DTNA: variants seen among roughly 807,000 people sequenced by gnomAD.
DTNA encodes the protein dystrobrevin alpha.
In DTNA, 43 loss-of-function variants were observed where a neutral mutation model predicts 100.7. The ratio of observed to expected loss-of-function variants is 0.43; its 90% confidence interval spans 0.33 to 0.55. The LOEUF is 0.55. Among genes scored for constraint, DTNA ranks in the 20% least tolerant of loss-of-function variants. The pLI, the probability that DTNA is intolerant of heterozygous loss-of-function variation, is 0.04. For synonymous variants in DTNA, 349 were observed against 347.9 expected (o/e 1.00, Z -0.04); for missense variants, 798 against 953.9 (o/e 0.84, Z 2.15).
intron 1 of DTNA, among the ~76,000 whole-genome samples, chr18:34,745,946 C>T (rs895100754): frequency 2.6e-5 from 4 of 152,158 alleles, no homozygotes; most frequent in Non-Finnish European, 4.4e-5. Flanking sequence ...ACCACTTAGC[C>T]AGCTAAATAC....
At chr18:34,886,001 C>T (rs1022678122) in intron 22 of DTNA, among the ~76,000 whole-genome samples, 5 of 152,194 alleles carry the variant, frequency 3.3e-5, no homozygotes, top group Admixed American at 2.6e-4. Context: ...TAGTTCAAAG[C>T]TAATATACCT....
At chr18:34,738,086 A>G (rs1279646828) in intron 1 of DTNA, among the ~76,000 whole-genome samples, 1 of 152,180 alleles carries the variant, frequency 6.6e-6, no homozygotes, top group Non-Finnish European at 1.5e-5. Flanking sequence ...AGAGAAAAAG[A>G]GAATATTCCA....
rs2094869533 is a variant in DTNA, at chr18:34,794,149, T to C, written c.261T>C (p.Thr87=). 1.1e-5 allele frequency: 18 copies of C among 1,614,052 alleles called. No homozygotes were observed. The highest frequency in any genetic ancestry group is 1.5e-5 in the Non-Finnish European group (18 of 1,180,020). ...CCCGCTTAGAGGCTGTGCTCTCCAC[T>C]ATTTTTTACCAGCTCAACAAACGGA... ...NVSRLEAVLS[T]IFYQLNKRMP... is the part of the protein sequence containing the mutation. Residue 87 remains threonine (T), a synonymous_variant, in exon 4 of 23, where the codon ACT becomes ACC. Coordinates refer to ENST00000444659, the MANE Select transcript of DTNA (RefSeq NM_001386795.1).
intron 1 of DTNA, among the ~76,000 whole-genome samples, chr18:34,544,015 A>C (rs1390816985): frequency 6.6e-6 from 1 of 152,102 alleles, no homozygotes; most frequent in Non-Finnish European, 1.5e-5. Context: ...AAAGCAATAG[A>C]TTCTCTTACA....
chr18:34,528,176 T>G (rs2042813267), intron 1 of DTNA, among the ~76,000 whole-genome samples: 1 of 152,140 alleles, frequency 6.6e-6, no homozygotes, highest in Admixed American at 6.6e-5. Context: ...TGTACAACTA[T>G]TATGCATTGT....
intron 1 of DTNA, among the ~76,000 whole-genome samples, chr18:34,608,971 GTAAC>G (rs1463806043): frequency 1.3e-5 from 2 of 152,184 alleles, no homozygotes; most frequent in Non-Finnish European, 2.9e-5. Context: ...TCATTACTGA[GTAAC>G]TATTTAATTT....
chr18:34,890,705 AGAGG>A lies in DTNA; in HGVS notation c.*2975_*2978del. On this transcript the variant is annotated 3_prime_UTR_variant, in exon 23 of 23. Transcript: ENST00000444659. The stretch of plus-strand genomic sequence containing the variant: ...GAAGTTGGGGTAAGTTTGGTTGGTC[AGAGG>A]GAGTTGTGCTGGAGATTGTGAAAAA... The A allele has an allele frequency of 1.8e-6, 1 of 541,672 alleles. No homozygotes were observed. Among genetic ancestry groups the A allele is most frequent in the Non-Finnish European group, 3.2e-6 (1 of 310,082 alleles). The allele number at this position is 541,672 out of a possible 1,614,324, so 33.6% of individuals were successfully genotyped here.
In DTNA at chr18:34,890,570, A is replaced by G; in HGVS notation, c.*2836A>G. Reference sequence around the variant, plus strand: ...CAGAGCTGATAGCCTGTTAATAAGCACTGGTCTAACACAGCCAACCCTCCT... The same window carrying G: ...CAGAGCTGATAGCCTGTTAATAAGCGCTGGTCTAACACAGCCAACCCTCCT... On this transcript the variant is annotated 3_prime_UTR_variant, in exon 23 of 23. Transcript: ENST00000444659. 7.2e-7 allele frequency: 1 copy of G among 1,387,824 alleles called. No individual in the cohort carries two copies. The highest frequency in any genetic ancestry group is 9.7e-7 in the Non-Finnish European group (1 of 1,033,352). The allele number at this position is 1,387,824 out of a possible 1,614,324, so 86.0% of individuals were successfully genotyped here.
At chr18:34,506,934 A>G (rs1320265574) in intron 1 of DTNA, among the ~76,000 whole-genome samples, 2 of 152,220 alleles carry the variant, frequency 1.3e-5, no homozygotes, top group African/African-American at 4.8e-5. Context: ...TTATGCAAGC[A>G]TAAACTGAAA....
chr18:34,708,978 C>T (rs745707321), upstream of DTNA, among the ~76,000 whole-genome samples: 12 of 152,074 alleles, frequency 7.9e-5, no homozygotes, highest in South Asian at 1.0e-3. Context: ...ATTTCAAATC[C>T]GCATCTGCTT....
At chr18:34,877,638 A>G in intron 18 of DTNA, 81 bp from the exon 19 acceptor site, 2 of 1,277,064 alleles carry the variant, frequency 1.6e-6, no homozygotes, top group Non-Finnish European at 2.2e-6. Flanking sequence ...TAGGTTATTA[A>G]TGGGAAGGAT....
At chr18:34,618,327 A>C in intron 1 of DTNA, among the ~76,000 whole-genome samples, 1 of 152,192 alleles carries the variant, frequency 6.6e-6, no homozygotes, top group East Asian at 1.9e-4. Flanking sequence ...CAATAGTATG[A>C]AATCATTTTG....
rs1036363868 is a variant in DTNA at position 34,720,127 on chromosome 18, C to T, written c.-2+9682C>T. ...GGCCAGAGGCTGGCCAAGGCATAGTCATGAGGGGGTGGAAGGGTCACAAAG... is the reference window on the plus strand; with the variant it reads ...GGCCAGAGGCTGGCCAAGGCATAGTTATGAGGGGGTGGAAGGGTCACAAAG... On this transcript the variant is annotated intron_variant, in intron 1 of 22. Coordinates refer to ENST00000444659, the MANE Select transcript of DTNA (RefSeq NM_001386795.1). Among the ~76,000 whole-genome samples the T allele has an allele frequency of 2.6e-5, 4 of 152,088 alleles. No individual in the cohort carries two copies. The East Asian group carries it at 7.7e-4, about 29-fold the overall frequency.
chr18:34,578,691 C>A (rs191719957), intron 1 of DTNA, among the ~76,000 whole-genome samples: 1 of 152,114 alleles, frequency 6.6e-6, no homozygotes, highest in African/African-American at 2.4e-5. Flanking sequence ...ATGTGGCTTG[C>A]CAATTATCCC....
intron 1 of DTNA, among the ~76,000 whole-genome samples, chr18:34,681,290 A>G (rs1459883493): frequency 6.6e-6 from 1 of 152,214 alleles, no homozygotes; most frequent in Non-Finnish European, 1.5e-5. Flanking sequence ...AAAACAAGTG[A>G]TTCCTAAGAA....
rs570367108 is a variant in DTNA at position 34,670,439 on chromosome 18, G to A, written c.-1-85537G>A. Among the ~76,000 whole-genome samples, 494 of 152,282 alleles carry A rather than the reference G, an allele frequency of 3.2e-3. 2 individuals are homozygous for A. The highest frequency in any genetic ancestry group is 0.011 in the African/African-American group (451 of 41,550). On this transcript the variant is annotated intron_variant, in intron 1 of 19. Transcript: ENST00000283365. ...TCTCAACTTGTCAAAGTCATTCTCC[G>A]TCCAGCTTTGTTCCATTGCTGGTGA...
At chr18:34,603,511 T>A (rs547006077) in intron 1 of DTNA, among the ~76,000 whole-genome samples, 1 of 152,320 alleles carries the variant, frequency 6.6e-6, no homozygotes, top group Non-Finnish European at 1.5e-5. Context: ...GTATTCTTTT[T>A]TTTCACCTTT....
Position 34,666,703 on chromosome 18 carries a change from G to C in DTNA, c.-1-89273G>C, listed in dbSNP as rs535571754. On this transcript the variant is annotated intron_variant, in intron 1 of 19. Coordinates refer to the DTNA transcript ENST00000283365. ...AATCCTTTCCCCATTTCTTGTTTTT[G>C]TCAGGTTTGTCAAAGATCAGATGGT... Among the ~76,000 whole-genome samples the C allele has an allele frequency of 4.6e-3, 706 of 152,142 alleles. 6 individuals are homozygous for C. The highest frequency in any genetic ancestry group is 0.016 in the African/African-American group (652 of 41,490).
intron 1 of DTNA, among the ~76,000 whole-genome samples, chr18:34,741,271 G>A (rs137995509): frequency 1.3e-5 from 2 of 152,176 alleles, no homozygotes; most frequent in East Asian, 1.9e-4. Flanking sequence ...TTTATGTTTC[G>A]TAATATTTGA....
Sources: allele counts gnomAD v4.1 joint callset (sites outside exome capture counted in the v4.1 genomes callset), GRCh38; gene constraint gnomAD v4.1.1; transcripts MANE v1.5; gene names NCBI Gene and HGNC (gene_info 2026-07-23, HGNC 2026-07-21).